SLIT1: variants seen among roughly 807,000 people sequenced by gnomAD.
SLIT1 encodes the protein slit homolog 1 protein.
In SLIT1, 66 loss-of-function variants were observed where a neutral mutation model predicts 186.1. That is an observed-to-expected ratio of 0.35 (90% CI 0.29 to 0.44). SLIT1 has a LOEUF of 0.44. SLIT1 is among the 20% of genes least tolerant of loss of function. The pLI, the probability that SLIT1 is intolerant of heterozygous loss-of-function variation, is 1.00. For missense variants in SLIT1, 1,638 were observed against 2,037.4 expected, an observed-to-expected ratio of 0.80 and a Z score of 3.77; for synonymous variants, 761 against 833.8, an observed-to-expected ratio of 0.91 and a Z score of 1.50.
At chr10:97,092,522 A>G (rs1326370471) in intron 4 of SLIT1, among the ~76,000 whole-genome samples, 1 of 152,256 alleles carries the variant, frequency 6.6e-6, no homozygotes, top group East Asian at 1.9e-4. Flanking sequence ...AGAGACCTAT[A>G]TACCTACATG....
intron 11 of SLIT1, among the ~76,000 whole-genome samples, chr10:97,058,356 T>C (rs1206404506): frequency 1.3e-5 from 2 of 152,288 alleles, no homozygotes; most frequent in Admixed American, 6.5e-5. Flanking sequence ...CAGGTACCCA[T>C]GAACAACAGA....
chr10:97,134,638 C>A (rs548962298), intron 4 of SLIT1, among the ~76,000 whole-genome samples: 1 of 152,308 alleles, frequency 6.6e-6, no homozygotes, highest in African/African-American at 2.4e-5. Flanking sequence ...TCTCCTCTCC[C>A]TCAGCAGGCA....
intron 3 of SLIT1, among the ~76,000 whole-genome samples, chr10:97,161,768 A>G (rs1369550597): frequency 1.3e-5 from 2 of 152,192 alleles, no homozygotes; most frequent in Non-Finnish European, 2.9e-5. Context: ...ACAAGAGTGA[A>G]ACTCCGTCTC....
chr10:97,140,169 CA>C, intron 4 of SLIT1, among the ~76,000 whole-genome samples: 1 of 152,172 alleles, frequency 6.6e-6, no homozygotes, highest in East Asian at 1.9e-4. Context: ...GTCTCCCTGC[CA>C]AGGCGGGTGT....
At chr10:97,071,173 G>A (rs1266838684) in intron 4 of SLIT1, among the ~76,000 whole-genome samples, 1 of 152,222 alleles carries the variant, frequency 6.6e-6, no homozygotes, top group Non-Finnish European at 1.5e-5. Flanking sequence ...GGTGAGGAAA[G>A]TTGCTGGCCA....
chr10:97,105,456 T>C (rs540772793), intron 4 of SLIT1, among the ~76,000 whole-genome samples: 16 of 152,270 alleles, frequency 1.1e-4, no homozygotes, highest in African/African-American at 3.9e-4. Flanking sequence ...AGGCCCTCCT[T>C]GCCAAGTCAG....
At chr10:97,018,008 C>G (rs1307328752) in intron 28 of SLIT1, among the ~76,000 whole-genome samples, 2 of 151,956 alleles carry the variant, frequency 1.3e-5, no homozygotes, top group Admixed American at 1.3e-4. Flanking sequence ...GCCACCACAC[C>G]CAGCTAATTT....
chr10:97,124,945 G>C (rs1028506143), intron 4 of SLIT1, among the ~76,000 whole-genome samples: 1 of 152,140 alleles, frequency 6.6e-6, no homozygotes, highest in Non-Finnish European at 1.5e-5. Flanking sequence ...TAACAGAAAA[G>C]GAACACAAAT....
intron 4 of SLIT1, among the ~76,000 whole-genome samples, chr10:97,130,057 G>A (rs1030652975): frequency 2.0e-5 from 3 of 152,350 alleles, no homozygotes; most frequent in East Asian, 3.9e-4. Flanking sequence ...CAGCCTCTCC[G>A]CCGCCAGGAA....
At chr10:97,062,660 G>A (rs140178305) in intron 8 of SLIT1, among the ~76,000 whole-genome samples, 3 of 152,328 alleles carry the variant, frequency 2.0e-5, no homozygotes, top group South Asian at 2.1e-4. Flanking sequence ...CCAGGGCTGG[G>A]GGCACCTGCA....
chr10:97,052,452 G>A (rs75167071), intron 13 of SLIT1, among the ~76,000 whole-genome samples: 2,943 of 152,286 alleles, frequency 0.019, 90 homozygotes, highest in African/African-American at 0.062. Context: ...ACAGAGAAAG[G>A]AAATAGATCA....
intron 12 of SLIT1, 138 bp downstream of exon 12, chr10:97,057,072 T>C: frequency 1.5e-6 from 1 of 652,676 alleles, no homozygotes; most frequent in East Asian, 2.8e-5. Flanking sequence ...TCAGCCCTAG[T>C]GGGTCTGCCT....
intron 20 of SLIT1, among the ~76,000 whole-genome samples, chr10:97,042,268 G>T (rs1848696768): frequency 6.6e-6 from 1 of 152,142 alleles, no homozygotes; most frequent in Non-Finnish European, 1.5e-5. Context: ...AGCGGAGAAG[G>T]GGGCTGGAAG....
At chr10:97,030,030 T>C (rs57783543) in intron 25 of SLIT1, among the ~76,000 whole-genome samples, 3,545 of 152,312 alleles carry the variant, frequency 0.023, 156 homozygotes, top group African/African-American at 0.08. Context: ...TCTGTGGACA[T>C]AGGCTGTTTC....
rs904398946 is a variant in SLIT1, at chr10:97,041,760, C to T, written c.2164+1141G>A. Among the ~76,000 whole-genome samples, 8 of 152,148 alleles carry T rather than the reference C, an allele frequency of 5.3e-5. No homozygotes were observed. In the East Asian group the frequency reaches 5.8e-4, roughly 11 times the overall value. ...TGCTGGGATTACAGGCATGAGCCTC[C>T]GCGCCTGGCCTGTCAGTAACTTTTT... is the stretch of plus-strand genomic sequence containing the variant. On this transcript the variant is annotated intron_variant, in intron 20 of 36. Transcript: ENST00000266058.
intron 4 of SLIT1, among the ~76,000 whole-genome samples, chr10:97,074,685 C>A (rs1209141827): frequency 2.0e-5 from 3 of 152,232 alleles, no homozygotes; most frequent in African/African-American, 7.2e-5. Context: ...AGAGCAGCCC[C>A]CACTTGGCCT....
chr10:97,144,812 C>A (rs997876770), intron 4 of SLIT1, among the ~76,000 whole-genome samples: 5 of 152,218 alleles, frequency 3.3e-5, no homozygotes, highest in African/African-American at 1.2e-4. Flanking sequence ...CCACCTACCC[C>A]TCTATCACTT....
chr10:97,077,533 GA>G (rs1280583135), intron 4 of SLIT1, among the ~76,000 whole-genome samples: 1 of 152,200 alleles, frequency 6.6e-6, no homozygotes, highest in Non-Finnish European at 1.5e-5. Context: ...GATTCAAAAC[GA>G]AGCTCAGCAC....
chr10:97,096,258 A>G (rs1340500406), intron 4 of SLIT1, among the ~76,000 whole-genome samples: 2 of 152,070 alleles, frequency 1.3e-5, no homozygotes, highest in Non-Finnish European at 2.9e-5. Context: ...TTGTTTTTTT[A>G]ATCACAAAAA....
Sources: allele counts gnomAD v4.1 joint callset (sites outside exome capture counted in the v4.1 genomes callset), GRCh38; gene constraint gnomAD v4.1.1; transcripts MANE v1.5; gene names NCBI Gene and HGNC (gene_info 2026-07-23, HGNC 2026-07-21).